The following SF3B3 variants were observed in gnomAD, a reference collection of about 807,000 sequenced individuals.
The protein encoded by SF3B3 is SAP 130.
SF3B3 carries 33 observed loss-of-function variants against 139.2 expected under a neutral mutation model. The ratio of observed to expected loss-of-function variants is 0.24; its 90% CI spans 0.18 to 0.32. The LOEUF is 0.32. Ranked by LOEUF, SF3B3 falls within the 10% of genes least tolerant of loss-of-function variation. The pLI, the probability that SF3B3 is intolerant of heterozygous loss-of-function variation, is 1.00. For missense variants in SF3B3, 818 were observed against 1,509.4 expected (o/e 0.54, Z 7.59); for synonymous variants, 596 against 563.6 (o/e 1.06, Z -0.81).
Position 70,561,698 on chromosome 16 carries a change from G to A in SF3B3, c.2202G>A (p.Leu734=). 6.2e-7 allele frequency: 1 copy of A among 1,613,828 alleles called. No individual in the cohort carries two copies. The highest frequency in any genetic ancestry group is 8.5e-7 in the Non-Finnish European group (1 of 1,179,946). ...SYQSRFHLTP[L]SYETLEFASG... ...AATCTCGCTTCCATCTCACCCCACT[G>A]TCTTACGAGACACTGGAATTTGCAT... Residue 734 remains leucine (L), a synonymous_variant, in exon 17 of 26, where the codon CTG becomes CTA. Coordinates refer to ENST00000302516, the MANE Select transcript of SF3B3 (RefSeq NM_012426.5).
At chr16:70,536,904 A>G (rs1418551456) in intron 6 of SF3B3, among the ~76,000 whole-genome samples, 1 of 145,532 alleles carries the variant, frequency 6.9e-6, no homozygotes, top group Non-Finnish European at 1.5e-5. Context: ...TTGACCTCCC[A>G]GTCTCAAGTG....
chr16:70,546,525 G>A (rs2050269889), intron 10 of SF3B3, among the ~76,000 whole-genome samples: 1 of 152,096 alleles, frequency 6.6e-6, no homozygotes, highest in Non-Finnish European at 1.5e-5. Flanking sequence ...GGTGGTGGGT[G>A]TCTGTAATCC....
At chr16:70,559,373 G>A (rs2050407201) in intron 15 of SF3B3, among the ~76,000 whole-genome samples, 1 of 152,122 alleles carries the variant, frequency 6.6e-6, no homozygotes, top group African/African-American at 2.4e-5. Flanking sequence ...GCCCAGTAAA[G>A]TGGGTTTTTT....
intron 17 of SF3B3, among the ~76,000 whole-genome samples, chr16:70,562,835 A>G (rs1254022973): frequency 6.6e-6 from 1 of 151,812 alleles, no homozygotes; most frequent in Non-Finnish European, 1.5e-5. Context: ...TTTATTTTTA[A>G]GTTTTTTTTT....
intron 2 of SF3B3, among the ~76,000 whole-genome samples, chr16:70,528,156 A>C (rs2050082604): frequency 7.0e-6 from 1 of 143,790 alleles, no homozygotes; most frequent in South Asian, 2.1e-4. Context: ...ATGATGGAGA[A>C]GTTTTCTTTT....
chr16:70,567,431 T>C lies in SF3B3; in HGVS notation c.2847T>C (p.Pro949=), dbSNP rs1306974944. 2 of 1,614,058 alleles carry C rather than the reference T, an allele frequency of 1.2e-6. No individual in the cohort carries two copies. The highest frequency in any genetic ancestry group is 3.3e-5 in the Admixed American group (2 of 59,990). ...FLHKTPVEEV[P]AAIAPFQGRV... ...TATAGACTCCTGTGGAAGAGGTCCCTGCTGCTATTGCCCCATTCCAGGGGA... is the reference window on the plus strand; with the variant it reads ...TATAGACTCCTGTGGAAGAGGTCCCCGCTGCTATTGCCCCATTCCAGGGGA... Residue 949 remains proline (P), a synonymous_variant, in exon 21 of 26, where the codon CCT becomes CCC. Transcript: ENST00000302516.
At position 70,544,422 on chromosome 16, in the gene SF3B3, CT is replaced by C; in HGVS notation, c.1234-11del. 6.4e-7 allele frequency: 1 copy of C among 1,555,374 alleles called. No individual in the cohort carries two copies. Among genetic ancestry groups the C allele is most frequent in the Non-Finnish European group, 8.8e-7 (1 of 1,130,620 alleles). ...GCACTGGAGACATTTTTTCCTCTAA[CT>C]TTTTCTCTGTGCAGATAGCTGATCT... is the stretch of plus-strand genomic sequence containing the variant. On this transcript the variant is annotated splice_polypyrimidine_tract_variant and intron_variant, in intron 9 of 25. Coordinates refer to ENST00000302516, the MANE Select transcript of SF3B3 (RefSeq NM_012426.5).
rs2050587245 is a variant in SF3B3 at position 70,577,005 on chromosome 16, TGTA to T, written c.*5195_*5197del. ...TTAGCCAGGCATGGTGGTGCACACT[TGTA>T]GTCCCAGTAATTAGGGGGCTGAGAC... On this transcript the variant is annotated 3_prime_UTR_variant, in exon 26 of 26. Coordinates refer to ENST00000302516, the MANE Select transcript of SF3B3 (RefSeq NM_012426.5). 6.6e-6 allele frequency: 1 copy of T among 152,184 alleles called. No homozygotes were observed. 9.4% of individuals were successfully genotyped at this position (152,184 alleles called of 1,614,324 possible). A position where few individuals can be genotyped will look rare whatever the true frequency, so the allele number is the denominator to read the frequency against.
In SF3B3 at chr16:70,530,719, G is replaced by T. The variant is rs200788579; in HGVS notation, c.398-26G>T. 15 of 1,585,526 alleles carry T rather than the reference G, an allele frequency of 9.5e-6. No homozygotes were observed. The Middle Eastern group carries it at 2.0e-3, about 214-fold the overall frequency. ...TCTCTTCTCATTATCTGGGAATCTT[G>T]TATGTTTTATCTCCTTCAACTACAG... On this transcript the variant is annotated intron_variant, in intron 3 of 25. Transcript: ENST00000302516.
intron 10 of SF3B3, among the ~76,000 whole-genome samples, chr16:70,544,933 A>G (rs1479920724): frequency 6.6e-6 from 1 of 152,238 alleles, no homozygotes; most frequent in Non-Finnish European, 1.5e-5. Flanking sequence ...TAGGAAATCT[A>G]TATGGAACAT....
intron 16 of SF3B3, 113 bp downstream of exon 16, chr16:70,560,704 G>C: frequency 8.0e-7 from 1 of 1,249,418 alleles, no homozygotes; most frequent in Non-Finnish European, 1.1e-6. Context: ...CATCTTGATT[G>C]GTTTCCTTCA....
intron 22 of SF3B3, among the ~76,000 whole-genome samples, 198 bp from the exon 23 acceptor site, chr16:70,568,845 G>A (rs999162202): frequency 6.6e-6 from 1 of 152,208 alleles, no homozygotes; most frequent in Non-Finnish European, 1.5e-5. Flanking sequence ...TCTTGCTCAT[G>A]GGTCGATTCT....
At chr16:70,569,673 G>C (rs1253068397) in intron 23 of SF3B3, among the ~76,000 whole-genome samples, 2 of 152,098 alleles carry the variant, frequency 1.3e-5, no homozygotes, top group African/African-American at 4.8e-5. Context: ...TCAGTCGCCC[G>C]GGCTGGAGTG....
chr16:70,564,896 C>T (rs1183045616), intron 18 of SF3B3, among the ~76,000 whole-genome samples, 169 bp from the exon 19 acceptor site: 1 of 152,224 alleles, frequency 6.6e-6, no homozygotes, highest in Non-Finnish European at 1.5e-5. Flanking sequence ...CTTCCCTAGT[C>T]TGTACACCTC....
At chr16:70,528,464 CTTTTTTTTTTTT>C (rs71387528) in intron 2 of SF3B3, among the ~76,000 whole-genome samples, 1 of 103,934 alleles carries the variant, frequency 9.6e-6, no homozygotes, top group Non-Finnish European at 1.8e-5. Context: ...TGTGCGTGGC[CTTTTTTTTTTTT>C]TTTTTTTTTT....
chr16:70,554,682 C>T (rs750180063), intron 12 of SF3B3, 85 bp downstream of exon 12: 1 of 1,380,154 alleles, frequency 7.2e-7, no homozygotes, highest in East Asian at 2.3e-5. Context: ...GTTCATGTCT[C>T]TTCACCCTCA....
intron 3 of SF3B3, 195 bp downstream of exon 3, chr16:70,529,394 C>G (rs1035451750): frequency 1.8e-6 from 1 of 568,130 alleles, no homozygotes; most frequent in African/African-American, 1.9e-5. Flanking sequence ...TCTTAACACA[C>G]CTTTCTACTT....
chr16:70,569,600 T>A (rs2050509224), intron 23 of SF3B3, among the ~76,000 whole-genome samples: 1 of 152,364 alleles, frequency 6.6e-6, no homozygotes, highest in Middle Eastern at 3.4e-3. Flanking sequence ...GTGAGAATTT[T>A]AAAATATTTG....
intron 23 of SF3B3, 34 bp from the exon 24 acceptor site, chr16:70,569,972 T>A (rs1179750159): frequency 3.1e-6 from 5 of 1,613,042 alleles, no homozygotes; most frequent in Admixed American, 1.7e-5. Flanking sequence ...CTCCTGAGGG[T>A]GCACACAGTC....
Sources: allele counts gnomAD v4.1 joint callset (sites outside exome capture counted in the v4.1 genomes callset), GRCh38; gene constraint gnomAD v4.1.1; transcripts MANE v1.5; gene names NCBI Gene and HGNC (gene_info 2026-07-23, HGNC 2026-07-21).